RIPOR2: variants seen among roughly 807,000 people sequenced by gnomAD.
RIPOR2 encodes the protein rho family-interacting cell polarization regulator 2.
A neutral mutation model predicts 114.5 loss-of-function variants in RIPOR2; 39 were observed. The ratio of observed to expected loss-of-function variants is 0.34; its 90% confidence interval spans 0.26 to 0.44. The LOEUF (loss-of-function observed/expected upper bound fraction) is 0.44, where lower values mean the gene tolerates loss of function less well. RIPOR2 is among the 20% of genes least tolerant of loss of function. The pLI, the probability that RIPOR2 is intolerant of heterozygous loss-of-function variation, is 1.00. For missense variants in RIPOR2, 1,007 were observed against 1,255.1 expected, an observed-to-expected ratio of 0.80 and a Z score of 2.99; for synonymous variants, 445 against 484.4, an observed-to-expected ratio of 0.92 and a Z score of 1.07.
Position 24,977,084 on chromosome 6 carries a change from C to A in RIPOR2, c.76+64767G>T. Reference sequence around the variant, plus strand: ...TGCAGTATCCCAGTATCTTTGTGCTCTTGCTGCAGTTCCCTTTGGGTTCCA... The same window carrying A: ...TGCAGTATCCCAGTATCTTTGTGCTATTGCTGCAGTTCCCTTTGGGTTCCA... On this transcript the variant is annotated intron_variant, in intron 1 of 13. Transcript: ENST00000510784. 2.5e-6 allele frequency: 3 copies of A among 1,178,976 alleles called. No individual in the cohort carries two copies. The South Asian group carries it at 4.0e-5, about 16-fold the overall frequency. 73.0% of individuals were successfully genotyped at this position (1,178,976 alleles called of 1,614,324 possible).
In RIPOR2 at chr6:24,843,141, C is replaced by T. The variant is rs1349707501; in HGVS notation, c.1578G>A (p.Glu526=). Reference sequence around the variant, plus strand: ...GTTCCACAGGCTTGAGCTCAGAGGCCTCCTCAGACTCTTGCAGAAGTGCTT... The same window carrying T: ...GTTCCACAGGCTTGAGCTCAGAGGCTTCCTCAGACTCTTGCAGAAGTGCTT... ...VAEALLQESE[E]ASELKPVELD... is the part of the protein sequence containing the mutation. Residue 526 remains glutamate (E), a synonymous_variant, in exon 13 of 22, where the codon GAG becomes GAA. Transcript: ENST00000643898. 4 of 1,613,990 alleles carry T rather than the reference C, an allele frequency of 2.5e-6. No individual in the cohort carries two copies. Among genetic ancestry groups the T allele is most frequent in the East Asian group, 4.5e-5 (2 of 44,886 alleles).
intron 1 of RIPOR2, among the ~76,000 whole-genome samples, chr6:24,910,039 C>A (rs766874908): frequency 1.1e-4 from 16 of 152,150 alleles, no homozygotes; most frequent in Non-Finnish European, 1.9e-4. Context: ...GGGTCTCTAT[C>A]TGCTGCCCAC....
At chr6:24,957,688 A>G (rs2114214664) in intron 1 of RIPOR2, among the ~76,000 whole-genome samples, 1 of 152,300 alleles carries the variant, frequency 6.6e-6, no homozygotes, top group African/African-American at 2.4e-5. Flanking sequence ...CCTGGCTAAC[A>G]TGATGAAACC....
At chr6:24,840,482 G>C in intron 13 of RIPOR2, 1 of 1,373,842 alleles carries the variant, frequency 7.3e-7, no homozygotes, top group South Asian at 1.5e-5. Flanking sequence ...CACAGAGTTG[G>C]AGAGAAGTAT....
intron 1 of RIPOR2, chr6:25,041,807 G>A (rs1256807295): frequency 1.4e-6 from 1 of 691,372 alleles, no homozygotes; most frequent in African/African-American, 1.8e-5. Context: ...GGAAAGTGTG[G>A]AAAACAAAGG....
In RIPOR2 at chr6:24,879,790, A is replaced by G. The variant is rs78365273; in HGVS notation, c.62-3973T>C. Among the ~76,000 whole-genome samples, 834 of 152,294 alleles carry G rather than the reference A, an allele frequency of 5.5e-3. 5 individuals carry two copies. Among genetic ancestry groups the G allele is most frequent in the South Asian group, 0.022 (107 of 4,828 alleles). On this transcript the variant is annotated intron_variant, in intron 1 of 21. Transcript: ENST00000643898. ...ATGCACCTCTTCGTTATCAACTGTC[A>G]TTCTATTGACCACTCCACTCCTACC...
chr6:24,939,117 C>T (rs367856226), upstream of RIPOR2, among the ~76,000 whole-genome samples: 4 of 152,058 alleles, frequency 2.6e-5, no homozygotes, highest in African/African-American at 9.7e-5. Context: ...TATTTATTAT[C>T]TCTATTTTAG....
intron 13 of RIPOR2, chr6:24,839,569 A>C: frequency 8.7e-6 from 13 of 1,486,572 alleles, no homozygotes; most frequent in Non-Finnish European, 1.2e-5. Flanking sequence ...GGATGGGCAC[A>C]CTGGGATCCA....
intron 12 of RIPOR2, chr6:24,847,750 G>A: frequency 6.7e-7 from 1 of 1,485,374 alleles, no homozygotes; most frequent in Non-Finnish European, 9.1e-7. Context: ...ACTACATTTT[G>A]TTAGCTTTTT....
At chr6:24,966,950 G>A (rs1773555043) in intron 1 of RIPOR2, among the ~76,000 whole-genome samples, 1 of 152,228 alleles carries the variant, frequency 6.6e-6, no homozygotes, top group South Asian at 2.1e-4. Flanking sequence ...GGTCTCAGGA[G>A]CTGTACAGAG....
intron 1 of RIPOR2, among the ~76,000 whole-genome samples, chr6:24,983,871 G>GTTAA (rs1774417034): frequency 6.6e-6 from 1 of 151,306 alleles, no homozygotes; most frequent in Non-Finnish European, 1.5e-5. Flanking sequence ...TGTGGCCATG[G>GTTAA]TTAAGTTCTA....
chr6:24,935,885 T>A lies in RIPOR2; in HGVS notation c.14A>T (p.Asp5Val), dbSNP rs1771773630. ...TTCATCGACCAGGAGCTCCTCAGCATCAAAAAACTGCATCTTGGAGAGGAC... is the reference window on the plus strand; with the variant it reads ...TTCATCGACCAGGAGCTCCTCAGCAACAAAAAACTGCATCTTGGAGAGGAC... MQFF[D>V]AEELLVDEED... Residue 5 changes from aspartate to valine, a missense_variant, in exon 1 of 22, where the codon GAT becomes GTT. Physicochemically the swap from Asp to Val is radical, Grantham distance 152 (BLOSUM62 -3). Coordinates refer to ENST00000643898, the MANE Select transcript of RIPOR2 (RefSeq NM_001286445.3). 3 of 1,535,388 alleles carry A rather than the reference T, an allele frequency of 2.0e-6. No individual in the cohort carries two copies. The highest frequency in any genetic ancestry group is 2.6e-6 in the Non-Finnish European group (3 of 1,146,716).
intron 1 of RIPOR2, among the ~76,000 whole-genome samples, chr6:24,931,614 G>C (rs543380933): frequency 2.0e-4 from 31 of 152,304 alleles, no homozygotes; most frequent in African/African-American, 6.5e-4. Flanking sequence ...ACCAGCTCTG[G>C]GGGACATTTG....
At chr6:25,039,775 T>G (rs1333505666) in intron 1 of RIPOR2, among the ~76,000 whole-genome samples, 3 of 152,184 alleles carry the variant, frequency 2.0e-5, no homozygotes, top group Non-Finnish European at 4.4e-5. Flanking sequence ...AGAATGAAGT[T>G]TCATAAAAAC....
chr6:25,021,843 G>T (rs1776337684), intron 1 of RIPOR2, among the ~76,000 whole-genome samples: 1 of 152,172 alleles, frequency 6.6e-6, no homozygotes, highest in African/African-American at 2.4e-5. Flanking sequence ...ACAAGACTGT[G>T]GAGGGTCCCA....
At chr6:24,820,495 A>G (rs1013795514) in intron 19 of RIPOR2, among the ~76,000 whole-genome samples, 3 of 152,212 alleles carry the variant, frequency 2.0e-5, no homozygotes, top group African/African-American at 4.8e-5. Flanking sequence ...CCCAAAAAGA[A>G]ATCCTGTACC....
chr6:24,837,040 GT>G (rs1432198841), intron 14 of RIPOR2, among the ~76,000 whole-genome samples: 3 of 152,142 alleles, frequency 2.0e-5, no homozygotes, highest in Admixed American at 2.0e-4. Flanking sequence ...ACAGCTTAAG[GT>G]AACAAGTATG....
At chr6:25,012,762 G>A (rs1342898768) in intron 1 of RIPOR2, among the ~76,000 whole-genome samples, 1 of 152,186 alleles carries the variant, frequency 6.6e-6, no homozygotes, top group Non-Finnish European at 1.5e-5. Context: ...TGCTAATGGG[G>A]ACCGGGTTTC....
chr6:24,853,467 G>A (rs188461597), intron 8 of RIPOR2, among the ~76,000 whole-genome samples: 1 of 152,318 alleles, frequency 6.6e-6, no homozygotes, highest in African/African-American at 2.4e-5. Flanking sequence ...AGGCATCGGG[G>A]TAATAATTTG....
Sources: gnomAD v4.1 joint callset for allele counts (sites outside exome capture counted in the v4.1 genomes callset) on GRCh38, gnomAD v4.1.1 for gene constraint, MANE v1.5 for transcripts, NCBI Gene and HGNC (gene_info 2026-07-23, HGNC 2026-07-21) for gene names.